CSMD1: variants seen among roughly 807,000 people sequenced by gnomAD.
The protein encoded by CSMD1 is CUB and sushi domain-containing protein 1.
Under a neutral mutation model 417.5 loss-of-function variants are expected in CSMD1, and 213 were observed. That is an observed-to-expected ratio of 0.51 (90% CI 0.46 to 0.57). The LOEUF is 0.57. Among genes scored for constraint, CSMD1 ranks in the 20% least tolerant of loss-of-function variants. The pLI is 0.00. For missense variants in CSMD1, 6,923 were observed against 4,529.7 expected, an observed-to-expected ratio of 1.53 and a Z score of -15.17; for synonymous variants, 2,862 against 1,736.8, an observed-to-expected ratio of 1.65 and a Z score of -16.11.
intron 63 of CSMD1, among the ~76,000 whole-genome samples, chr8:2,956,861 A>T (rs1283576839): frequency 6.6e-6 from 1 of 152,172 alleles, no homozygotes; most frequent in Non-Finnish European, 1.5e-5. Context: ...TCCATATTAT[A>T]TATAAACATG....
At chr8:4,340,550 G>C (rs928251810) in intron 3 of CSMD1, among the ~76,000 whole-genome samples, 1 of 152,060 alleles carries the variant, frequency 6.6e-6, no homozygotes, top group Non-Finnish European at 1.5e-5. Flanking sequence ...AAGCAGGATT[G>C]TCCAAGGGCA....
chr8:3,365,790 G>T (rs949845859), intron 20 of CSMD1, among the ~76,000 whole-genome samples: 2 of 152,202 alleles, frequency 1.3e-5, no homozygotes, highest in Non-Finnish European at 2.9e-5. Context: ...CCCAACCCTT[G>T]TATTATTGAA....
chr8:3,805,490 G>A (rs1023058766), intron 5 of CSMD1, among the ~76,000 whole-genome samples: 1 of 152,114 alleles, frequency 6.6e-6, no homozygotes, highest in Non-Finnish European at 1.5e-5. Flanking sequence ...TCTGATTCCT[G>A]ACCATGTTCA....
At chr8:3,882,368 C>G (rs1304741850) in intron 5 of CSMD1, among the ~76,000 whole-genome samples, 1 of 152,186 alleles carries the variant, frequency 6.6e-6, no homozygotes, top group African/African-American at 2.4e-5. Context: ...TGCATCCCCA[C>G]TAGAATGGTT....
At chr8:3,794,182 C>T (rs1292847318) in intron 5 of CSMD1, among the ~76,000 whole-genome samples, 2 of 152,166 alleles carry the variant, frequency 1.3e-5, no homozygotes, top group African/African-American at 4.8e-5. Flanking sequence ...TTACTCAAAG[C>T]TTGAGAAGCA....
chr8:3,925,862 T>G (rs969550491), intron 5 of CSMD1, among the ~76,000 whole-genome samples: 1 of 152,028 alleles, frequency 6.6e-6, no homozygotes, highest in African/African-American at 2.4e-5. Flanking sequence ...GGACCTTTAT[T>G]AATTTATTTT....
intron 12 of CSMD1, among the ~76,000 whole-genome samples, chr8:3,425,467 A>G (rs1263928355): frequency 1.3e-5 from 2 of 151,958 alleles, no homozygotes; most frequent in Non-Finnish European, 2.9e-5. Context: ...ACCTGCCTGT[A>G]ATCTCAGCTA....
chr8:3,048,738 T>C (rs1335460092), intron 50 of CSMD1, among the ~76,000 whole-genome samples: 3 of 151,656 alleles, frequency 2.0e-5, no homozygotes, highest in Non-Finnish European at 4.4e-5. Flanking sequence ...TATGTTGAAC[T>C]TCATTAAAAT....
chr8:4,348,079 C>T (rs1164024143), intron 3 of CSMD1, among the ~76,000 whole-genome samples: 1 of 152,098 alleles, frequency 6.6e-6, no homozygotes, highest in Non-Finnish European at 1.5e-5. Flanking sequence ...AAAAACAAAC[C>T]AGTGGCCCAG....
intron 52 of CSMD1, among the ~76,000 whole-genome samples, chr8:3,008,268 G>C (rs910347621): frequency 6.6e-6 from 1 of 152,182 alleles, no homozygotes; most frequent in African/African-American, 2.4e-5. Flanking sequence ...CAGGAGGGCA[G>C]AAAGTGGCTG....
In CSMD1 at chr8:4,890,441, G is replaced by A. The variant is rs114969135; in HGVS notation, c.85+103891C>T. 1.5e-3 allele frequency among the ~76,000 whole-genome samples: 219 copies of A among 146,120 alleles called. 3 individuals carry two copies. The highest frequency in any genetic ancestry group is 5.3e-3 in the African/African-American group (209 of 39,382). The stretch of plus-strand genomic sequence containing the variant: ...GCGTGACTCCGACACCCTCCCGCAG[G>A]ACAGGTGAGAACGTGACTCTGACAC... On this transcript the variant is annotated intron_variant, in intron 1 of 69. Coordinates refer to ENST00000635120, the MANE Select transcript of CSMD1 (RefSeq NM_033225.6).
chr8:4,634,818 G>A (rs922230573), intron 2 of CSMD1, among the ~76,000 whole-genome samples: 4 of 152,144 alleles, frequency 2.6e-5, no homozygotes, highest in Admixed American at 2.0e-4. Flanking sequence ...TGTTTTCCCT[G>A]ACAACACACC....
chr8:3,921,266 C>T (rs1476943454), intron 5 of CSMD1, among the ~76,000 whole-genome samples: 4 of 152,022 alleles, frequency 2.6e-5, no homozygotes, highest in African/African-American at 9.7e-5. Flanking sequence ...TGTAGTATCA[C>T]CTCTTTCATT....
At chr8:2,967,524 A>T (rs947421152) in intron 57 of CSMD1, among the ~76,000 whole-genome samples, 1 of 152,044 alleles carries the variant, frequency 6.6e-6, no homozygotes, top group African/African-American at 2.4e-5. Flanking sequence ...GAACATTTCA[A>T]TCTACACTTT....
At chr8:4,738,218 C>T (rs1410428052) in intron 1 of CSMD1, among the ~76,000 whole-genome samples, 1 of 152,102 alleles carries the variant, frequency 6.6e-6, no homozygotes, top group East Asian at 1.9e-4. Flanking sequence ...AAAAGAATGT[C>T]CCTACAGTCA....
intron 3 of CSMD1, among the ~76,000 whole-genome samples, chr8:4,135,830 G>T (rs1375981565): frequency 6.6e-6 from 1 of 152,138 alleles, no homozygotes; most frequent in East Asian, 1.9e-4. Flanking sequence ...TGGGATAGAT[G>T]TAACTACAAA....
At chr8:2,990,036 A>T (rs1479362534) in intron 54 of CSMD1, among the ~76,000 whole-genome samples, 1 of 152,236 alleles carries the variant, frequency 6.6e-6, no homozygotes, top group Admixed American at 6.5e-5. Context: ...TGATACACCT[A>T]AGACGTGAAG....
chr8:3,244,841 A>G lies in CSMD1; in HGVS notation c.4154-14610T>C, dbSNP rs76952792. Among the ~76,000 whole-genome samples the G allele has an allele frequency of 2.9e-3, 446 of 152,304 alleles. 5 individuals carry two copies. Among genetic ancestry groups the G allele is most frequent in the African/African-American group, 0.01 (421 of 41,568 alleles). On this transcript the variant is annotated intron_variant, in intron 26 of 69. Transcript: ENST00000635120. Reference sequence around the variant, plus strand: ...TGCGGGATCCGTCTTCAGCAGGGACACTGCTTGGCAGCAAGCAGCCTCAGA... The same window carrying G: ...TGCGGGATCCGTCTTCAGCAGGGACGCTGCTTGGCAGCAAGCAGCCTCAGA...
intron 3 of CSMD1, among the ~76,000 whole-genome samples, chr8:4,113,318 A>C (rs1316849531): frequency 1.3e-5 from 2 of 152,138 alleles, no homozygotes; most frequent in African/African-American, 4.8e-5. Context: ...CATGTCAAAA[A>C]AACTAGGCCT....
Sources: allele counts gnomAD v4.1 joint callset (sites outside exome capture counted in the v4.1 genomes callset), GRCh38; gene constraint gnomAD v4.1.1; transcripts MANE v1.5; gene names NCBI Gene and HGNC (gene_info 2026-07-23, HGNC 2026-07-21).